The following FGF14 variants were observed in gnomAD, a reference collection of about 807,000 sequenced individuals.
FGF14 encodes the protein fibroblast growth factor homologous factor 4.
In FGF14, 5 loss-of-function variants were observed where a neutral mutation model predicts 25.5. The ratio of observed to expected loss-of-function variants is 0.20; its 90% CI spans 0.10 to 0.41. FGF14 has a LOEUF of 0.41. FGF14 is among the 10% of genes least tolerant of loss of function. FGF14 has a pLI of 1.00. For missense variants in FGF14, 222 were observed against 320.1 expected (o/e 0.69, Z 2.34); for synonymous variants, 138 against 118.3 (o/e 1.17, Z -1.08).
At chr13:101,797,104 T>C (rs1398542001) in intron 3 of FGF14, among the ~76,000 whole-genome samples, 1 of 152,114 alleles carries the variant, frequency 6.6e-6, no homozygotes, top group African/African-American at 2.4e-5. Flanking sequence ...AGAATTATAA[T>C]ACCCACCTTA....
chr13:101,859,205 T>C (rs905508555), intron 3 of FGF14, among the ~76,000 whole-genome samples: 1 of 152,112 alleles, frequency 6.6e-6, no homozygotes, highest in African/African-American at 2.4e-5. Context: ...ACTGTGAAAA[T>C]TGGTTTCACC....
chr13:101,895,531 G>A (rs1247609790), intron 1 of FGF14, among the ~76,000 whole-genome samples: 2 of 152,066 alleles, frequency 1.3e-5, no homozygotes, highest in Non-Finnish European at 2.9e-5. Flanking sequence ...ACTAAGTAAA[G>A]AATCACTCAA....
chr13:102,284,311 T>G (rs903271139), intron 1 of FGF14, among the ~76,000 whole-genome samples: 7 of 152,196 alleles, frequency 4.6e-5, no homozygotes, highest in African/African-American at 7.2e-5. Context: ...CATGAAGGAC[T>G]CTATGAAGTC....
intron 1 of FGF14, among the ~76,000 whole-genome samples, chr13:102,323,218 T>C (rs1306867324): frequency 6.6e-6 from 1 of 152,206 alleles, no homozygotes; most frequent in African/African-American, 2.4e-5. Flanking sequence ...GAAAAATTGT[T>C]CCATGTCAGT....
intron 1 of FGF14, among the ~76,000 whole-genome samples, chr13:101,956,296 T>A (rs1333864674): frequency 1.3e-5 from 2 of 152,236 alleles, no homozygotes; most frequent in East Asian, 3.8e-4. Context: ...ATAACATCTC[T>A]CTTTACATAA....
chr13:101,959,465 T>A (rs1260263747), intron 1 of FGF14, among the ~76,000 whole-genome samples: 1 of 152,216 alleles, frequency 6.6e-6, no homozygotes, highest in Non-Finnish European at 1.5e-5. Flanking sequence ...TCATCTTGAA[T>A]GCCCTCCCTG....
intron 3 of FGF14, among the ~76,000 whole-genome samples, chr13:101,732,442 T>C (rs1311526848): frequency 6.6e-6 from 1 of 152,184 alleles, no homozygotes; most frequent in East Asian, 1.9e-4. Flanking sequence ...AAATACATGA[T>C]AAATAATAGC....
At chr13:102,252,835 A>G (rs2052249424) in intron 1 of FGF14, among the ~76,000 whole-genome samples, 1 of 151,882 alleles carries the variant, frequency 6.6e-6, no homozygotes, top group African/African-American at 2.4e-5. Flanking sequence ...CCACCCCACA[A>G]CAGGTCACTG....
At chr13:101,908,430 G>A (rs2032515160) in intron 1 of FGF14, among the ~76,000 whole-genome samples, 1 of 152,144 alleles carries the variant, frequency 6.6e-6, no homozygotes, top group African/African-American at 2.4e-5. Flanking sequence ...ATTAATGAAT[G>A]GATAATGTAG....
chr13:101,925,088 G>A (rs2034275539), intron 1 of FGF14, among the ~76,000 whole-genome samples: 1 of 152,164 alleles, frequency 6.6e-6, no homozygotes, highest in Non-Finnish European at 1.5e-5. Context: ...GGAGGGCAAA[G>A]AAAGAATGAG....
At chr13:102,105,404 T>A (rs1417061345) in intron 1 of FGF14, among the ~76,000 whole-genome samples, 1 of 152,198 alleles carries the variant, frequency 6.6e-6, no homozygotes, top group Non-Finnish European at 1.5e-5. Context: ...ATTTTTTTCA[T>A]GAGGAAACAC....
chr13:101,966,409 T>C (rs945028762), intron 1 of FGF14, among the ~76,000 whole-genome samples: 7 of 152,208 alleles, frequency 4.6e-5, no homozygotes, highest in African/African-American at 1.4e-4. Flanking sequence ...GGAGGGAGCA[T>C]GGTTCTGCAG....
intron 1 of FGF14, among the ~76,000 whole-genome samples, chr13:102,268,738 T>C (rs2053112843): frequency 6.6e-6 from 1 of 152,156 alleles, no homozygotes; most frequent in Admixed American, 6.6e-5. Flanking sequence ...AAAAATTTAA[T>C]CCTTTAAGTT....
In FGF14 at chr13:101,952,331, C is replaced by G. The variant is rs545242710; in HGVS notation, c.209-77035G>C. Among the ~76,000 whole-genome samples, 65 of 152,054 alleles carry G rather than the reference C, an allele frequency of 4.3e-4. 1 individual carries two copies. The highest frequency in any genetic ancestry group is 1.5e-3 in the African/African-American group (61 of 41,478). On this transcript the variant is annotated intron_variant, in intron 1 of 4. Coordinates refer to the FGF14 transcript ENST00000376131. ...CCCTTTGTTATACGGCATGAAGTTACATTTTAAAATGAGGACTTCTCTAGA... is the reference window on the plus strand; with the variant it reads ...CCCTTTGTTATACGGCATGAAGTTAGATTTTAAAATGAGGACTTCTCTAGA...
chr13:102,128,695 C>T (rs2046054566), intron 1 of FGF14, among the ~76,000 whole-genome samples: 1 of 152,152 alleles, frequency 6.6e-6, no homozygotes, highest in Non-Finnish European at 1.5e-5. Flanking sequence ...TGAAAAAGTG[C>T]TGTCTTCTGA....
intron 1 of FGF14, among the ~76,000 whole-genome samples, chr13:102,182,356 C>T (rs1269553240): frequency 2.0e-5 from 3 of 152,068 alleles, no homozygotes; most frequent in Non-Finnish European, 4.4e-5. Flanking sequence ...AGAGCCCTGC[C>T]GACGCCTTGA....
At chr13:102,102,057 T>C (rs114148350) in intron 1 of FGF14, among the ~76,000 whole-genome samples, 1 of 152,146 alleles carries the variant, frequency 6.6e-6, no homozygotes, top group African/African-American at 2.4e-5. Context: ...CTAATACTTA[T>C]CCTACTCAGC....
intron 1 of FGF14, among the ~76,000 whole-genome samples, chr13:102,160,502 A>G (rs532882188): frequency 4.3e-4 from 65 of 152,222 alleles, no homozygotes; most frequent in African/African-American, 1.4e-3. Context: ...TCTCAGAGAA[A>G]CTTAGGAACA....
At chr13:101,904,468 T>C (rs1045412809) in intron 1 of FGF14, among the ~76,000 whole-genome samples, 1 of 152,230 alleles carries the variant, frequency 6.6e-6, no homozygotes, top group Non-Finnish European at 1.5e-5. Context: ...TAGTCAATTA[T>C]GATGACACCA....
Sources: gnomAD v4.1 joint callset for allele counts (sites outside exome capture counted in the v4.1 genomes callset) on GRCh38, gnomAD v4.1.1 for gene constraint, MANE v1.5 for transcripts, NCBI Gene and HGNC (gene_info 2026-07-23, HGNC 2026-07-21) for gene names.